The following DDX55 variants were observed in gnomAD, a reference collection of about 807,000 sequenced individuals.
DDX55 encodes ATP-dependent RNA helicase DDX55.
A neutral mutation model predicts 69.2 loss-of-function variants in DDX55; 56 were observed. That is an observed-to-expected ratio of 0.81 (90% CI 0.65 to 1.01). The LOEUF is 1.01. Ranked by LOEUF, DDX55 falls within the 50% of genes least tolerant of loss-of-function variation. The pLI, the probability that DDX55 is intolerant of heterozygous loss-of-function variation, is 0.00. For synonymous variants in DDX55, 268 were observed against 273.1 expected (o/e 0.98, Z 0.18); for missense variants, 720 against 745.1 (o/e 0.97, Z 0.39).
intron 6 of DDX55, among the ~76,000 whole-genome samples, chr12:123,609,370 GTT>G (rs1220679978): frequency 1.0e-4 from 13 of 124,686 alleles, no homozygotes; most frequent in Admixed American, 2.5e-4. Context: ...TTTCCTTCAA[GTT>G]TTTTTTTTTT....
chr12:123,616,116 C>T (rs1190834318), intron 9 of DDX55, among the ~76,000 whole-genome samples: 1 of 152,192 alleles, frequency 6.6e-6, no homozygotes, highest in Non-Finnish European at 1.5e-5. Flanking sequence ...TAATAGTTTT[C>T]TGTTTTTCTT....
chr12:123,603,952 A>C (rs1953731938), intron 1 of DDX55, among the ~76,000 whole-genome samples: 1 of 151,788 alleles, frequency 6.6e-6, no homozygotes, highest in South Asian at 2.1e-4. Flanking sequence ...ACAGGCATAC[A>C]CCACCACGCC....
intron 3 of DDX55, 79 bp from the exon 4 acceptor site, chr12:123,607,353 T>C: frequency 6.7e-7 from 1 of 1,483,516 alleles, no homozygotes; most frequent in South Asian, 1.2e-5. Context: ...CTTTGTGTGG[T>C]AGAGGGCGGA....
At position 123,620,029 on chromosome 12, in the gene DDX55, TAAGA is replaced by T. The variant is rs759111862; in HGVS notation, c.1696_1699del (p.Lys566AlafsTer3). 5.0e-6 allele frequency: 8 copies of T among 1,613,958 alleles called. No individual in the cohort carries two copies. The highest frequency in any genetic ancestry group is 2.7e-5 in the African/African-American group (2 of 74,908). Reference sequence around the variant, plus strand: ...ATGACACAAGACTCTTGAAAAAACTTAAGAAAGGCAAAATAACTGAAGAAGAATT... The same window carrying T: ...ATGACACAAGACTCTTGAAAAAACTTAAGGCAAAATAACTGAAGAAGAATT... On this transcript the variant is annotated frameshift_variant, in exon 14 of 14. Coordinates refer to ENST00000238146, the MANE Select transcript of DDX55 (RefSeq NM_020936.3). LOFTEE classifies it high-confidence loss of function.
intron 11 of DDX55, chr12:123,618,404 G>A (rs770255633): frequency 3.2e-6 from 3 of 950,584 alleles, no homozygotes; most frequent in Non-Finnish European, 4.9e-6. Context: ...CCCAGGCAAG[G>A]GTTACTTCTT....
chr12:123,611,296 A>G (rs1233238422), intron 7 of DDX55, among the ~76,000 whole-genome samples: 2 of 152,186 alleles, frequency 1.3e-5, no homozygotes, highest in African/African-American at 2.4e-5. Flanking sequence ...ATTGTTTAGT[A>G]ATGAGGCCAC....
chr12:123,606,266 C>T (rs1230617840), intron 3 of DDX55, 107 bp downstream of exon 3: 6 of 1,372,588 alleles, frequency 4.4e-6, no homozygotes, highest in African/African-American at 1.5e-5. Flanking sequence ...CCGTGGCTCA[C>T]GCCTGTAATC....
At position 123,606,147 on chromosome 12, in the gene DDX55, A is replaced by T. The variant is rs775293345; in HGVS notation, c.234A>T (p.Leu78Phe). 6.2e-7 allele frequency: 1 copy of T among 1,613,818 alleles called. No individual in the cohort carries two copies. ...LEILLRREEK[L>F]KKSQVGAIII... ...TTCTTCTGAGAAGAGAAGAGAAGTT[A>T]AAAAAGAGTCAGGTGAGGACAACAA... is the stretch of plus-strand genomic sequence containing the variant. Residue 78 changes from leucine to phenylalanine, a missense_variant, in exon 3 of 14, where the codon TTA becomes TTT. Coordinates refer to ENST00000238146, the MANE Select transcript of DDX55 (RefSeq NM_020936.3).
At chr12:123,613,353 C>T in intron 8 of DDX55, 101 bp downstream of exon 8, 1 of 1,175,066 alleles carries the variant, frequency 8.5e-7, no homozygotes, top group Non-Finnish European at 1.2e-6. Flanking sequence ...ATGGTTCTCT[C>T]CGGAATGCTT....
At position 123,608,707 on chromosome 12, in the gene DDX55, C is replaced by G; in HGVS notation, c.429C>G (p.Gly143=). The change falls in exon 6 of 14, where the codon GGC becomes GGG. Residue 143 remains glycine, a synonymous_variant. Transcript: ENST00000238146. The part of the protein sequence containing the change: ...QGGNIIVATP[G]RLEDMFRRKA... ...GGAACATCATTGTGGCCACTCCAGG[C>G]CGCTTGGAGGACATGTTCCGGAGGA... 1 of 1,613,932 alleles carries G rather than the reference C, an allele frequency of 6.2e-7. No individual in the cohort carries two copies.
rs879266240 is a variant in DDX55 at position 123,616,738 on chromosome 12, G to T, written c.1049+135G>T. On this transcript the variant is annotated intron_variant, in intron 10 of 13. Transcript: ENST00000238146. Reference sequence around the variant, plus strand: ...AGCCTCCAGCGTGCTTGGGTCTGCAGTGACCCCGTGGATTCCTACAGGGCT... The same window carrying T: ...AGCCTCCAGCGTGCTTGGGTCTGCATTGACCCCGTGGATTCCTACAGGGCT... 226 of 904,844 alleles carry T rather than the reference G, an allele frequency of 2.5e-4. 3 individuals carry two copies. The highest frequency in any genetic ancestry group is 8.7e-4 in the Middle Eastern group (4 of 4,612). The allele number at this position is 904,844 out of a possible 1,614,324, so 56.1% of individuals were successfully genotyped here.
At chr12:123,610,422 T>G (rs1954141242) in intron 7 of DDX55, among the ~76,000 whole-genome samples, 1 of 152,096 alleles carries the variant, frequency 6.6e-6, no homozygotes, top group Non-Finnish European at 1.5e-5. Flanking sequence ...CAGCCATGAC[T>G]AAGCTCTGTA....
Position 123,616,522 on chromosome 12 carries a change from T to C in DDX55, c.968T>C (p.Val323Ala). 2 of 1,614,142 alleles carry C rather than the reference T, an allele frequency of 1.2e-6. No homozygotes were observed. The highest frequency in any genetic ancestry group is 8.5e-7 in the Non-Finnish European group (1 of 1,180,000). Reference protein sequence around the residue: ...EFRKLQSGILVCTDVMARGID... With the variant: ...EFRKLQSGILACTDVMARGID... ...TTCTCATTTCCTAGTGGGATTTTAG[T>C]GTGCACTGATGTGATGGCCCGGGGA... The change falls in exon 10 of 14, where the codon GTG becomes GCG. Residue 323 changes from valine to alanine, a missense_variant. Val to Ala is a moderately conservative substitution (Grantham distance 64, BLOSUM62 0). Transcript: ENST00000238146.
chr12:123,616,375 A>AATTTGTAGAAAGAAG (rs1954667189), intron 9 of DDX55, 136 bp from the exon 10 acceptor site: 12 of 738,090 alleles, frequency 1.6e-5, no homozygotes, highest in Non-Finnish European at 2.5e-5. Context: ...AGAAAAAATC[A>AATTTGTAGAAAGAAG]AAATATTACC....
At chr12:123,606,949 T>G (rs948206438) in intron 3 of DDX55, among the ~76,000 whole-genome samples, 6 of 152,202 alleles carry the variant, frequency 3.9e-5, no homozygotes, top group Non-Finnish European at 7.3e-5. Flanking sequence ...TGCAGTCTAG[T>G]GTTCCTGGGT....
intron 1 of DDX55, chr12:123,604,815 A>G (rs577758143): frequency 9.8e-5 from 15 of 152,322 alleles, no homozygotes; most frequent in African/African-American, 3.4e-4. Context: ...GGCTATTAGA[A>G]AATTTAAAAT....
intron 7 of DDX55, 52 bp from the exon 8 acceptor site, chr12:123,613,118 G>A: frequency 6.4e-7 from 1 of 1,573,626 alleles, no homozygotes; most frequent in African/African-American, 1.3e-5. Context: ...ATAGCCATGG[G>A]GATTATTATT....
chr12:123,612,859 T>A (rs1266080006), intron 7 of DDX55, among the ~76,000 whole-genome samples: 3 of 151,394 alleles, frequency 2.0e-5, no homozygotes, highest in African/African-American at 7.3e-5. Flanking sequence ...GGTAAATAAA[T>A]AAAAATCTAC....
chr12:123,608,669 T>C lies in DDX55; in HGVS notation c.402-11T>C, dbSNP rs1383180346. 1.2e-6 allele frequency: 2 copies of C among 1,611,182 alleles called. No homozygotes were observed. The highest frequency in any genetic ancestry group is 2.7e-5 in the African/African-American group (2 of 74,828). ...CAGAGAGTTTGGTAAATGTTAACTT[T>C]CTTTCCAAAGTGGGAACATCATTGT... is the stretch of plus-strand genomic sequence containing the variant. On this transcript the variant is annotated splice_polypyrimidine_tract_variant and intron_variant, in intron 5 of 13. Coordinates refer to ENST00000238146, the MANE Select transcript of DDX55 (RefSeq NM_020936.3).
Sources: gnomAD v4.1 joint callset for allele counts (sites outside exome capture counted in the v4.1 genomes callset) on GRCh38, gnomAD v4.1.1 for gene constraint, MANE v1.5 for transcripts, NCBI Gene and HGNC (gene_info 2026-07-23, HGNC 2026-07-21) for gene names.